Variants in EPHB1 observed in about 807,000 individuals in gnomAD.
The protein encoded by EPHB1 is ephrin type-B receptor 1.
In EPHB1, 30 loss-of-function variants were observed where a neutral mutation model predicts 94.4. That is an observed-to-expected ratio of 0.32 (90% CI 0.24 to 0.43). The LOEUF is 0.43. Among genes scored for constraint, EPHB1 ranks in the 20% least tolerant of loss-of-function variants. The probability of loss-of-function intolerance (pLI) is 1.00; values close to 1 mark genes in which losing one functional copy is unlikely to be tolerated. For missense variants in EPHB1, 1,055 were observed against 1,308.3 expected (o/e 0.81, Z 2.99); for synonymous variants, 522 against 489.1 (o/e 1.07, Z -0.89).
intron 3 of EPHB1, among the ~76,000 whole-genome samples, chr3:134,983,470 A>G (rs1206067339): frequency 2.0e-5 from 3 of 152,210 alleles, no homozygotes; most frequent in African/African-American, 7.2e-5. Flanking sequence ...CTCTCTTGCC[A>G]TCTGGGTTCA....
At chr3:135,013,262 TTGAG>T (rs1197181881) in intron 3 of EPHB1, among the ~76,000 whole-genome samples, 1 of 152,152 alleles carries the variant, frequency 6.6e-6, no homozygotes, top group Non-Finnish European at 1.5e-5. Context: ...AATATCGGGA[TTGAG>T]TGAGTAGCAG....
chr3:135,173,192 G>A (rs574233358), intron 9 of EPHB1, among the ~76,000 whole-genome samples: 360 of 151,398 alleles, frequency 2.4e-3, no homozygotes, highest in Admixed American at 3.9e-3. Context: ...GCGCCACTAC[G>A]CCCGGCTAAT....
intron 3 of EPHB1, among the ~76,000 whole-genome samples, chr3:134,986,033 C>T (rs778800443): frequency 6.6e-6 from 1 of 152,254 alleles, no homozygotes; most frequent in Non-Finnish European, 1.5e-5. Context: ...GATTTCACTC[C>T]CAATAACTTG....
chr3:134,862,475 C>T (rs2037286488), intron 1 of EPHB1, among the ~76,000 whole-genome samples: 1 of 139,844 alleles, frequency 7.2e-6, no homozygotes, highest in South Asian at 2.5e-4. Flanking sequence ...TATTATTCCT[C>T]ATTTTGTTCA....
chr3:135,208,370 C>T (rs1942956848), intron 12 of EPHB1, among the ~76,000 whole-genome samples: 1 of 151,056 alleles, frequency 6.6e-6, no homozygotes, highest in South Asian at 2.1e-4. Flanking sequence ...ACACGTGTGG[C>T]CCGAAAGTGA....
At chr3:135,150,356 T>G (rs1325199459) in intron 5 of EPHB1, among the ~76,000 whole-genome samples, 4 of 152,232 alleles carry the variant, frequency 2.6e-5, no homozygotes, top group Non-Finnish European at 5.9e-5. Flanking sequence ...CCTGTCTTTG[T>G]GGACCCACTG....
At chr3:134,805,864 G>A (rs76149019) in intron 1 of EPHB1, among the ~76,000 whole-genome samples, 4,171 of 152,182 alleles carry the variant, frequency 0.027, 134 homozygotes, top group African/African-American at 0.064. Context: ...CCTCACAGCC[G>A]CCTCTGCTTC....
chr3:135,173,004 G>A (rs1941849008), intron 9 of EPHB1, among the ~76,000 whole-genome samples: 1 of 151,976 alleles, frequency 6.6e-6, no homozygotes, highest in African/African-American at 2.4e-5. Context: ...ACAAAGCAGA[G>A]AGATGTTAAG....
At chr3:134,863,461 C>T (rs908496139) in intron 1 of EPHB1, among the ~76,000 whole-genome samples, 6 of 152,218 alleles carry the variant, frequency 3.9e-5, no homozygotes, top group Non-Finnish European at 8.8e-5. Context: ...TTTTAAACCT[C>T]ATGTGCGCTT....
At chr3:135,133,153 A>AGGATG in intron 5 of EPHB1, 104 bp downstream of exon 5, 1 of 1,178,036 alleles carries the variant, frequency 8.5e-7, no homozygotes, top group Non-Finnish European at 1.2e-6. Flanking sequence ...GTGTACTGTC[A>AGGATG]GGCCTCTGCC....
At chr3:135,241,367 T>C (rs1011274299) in intron 13 of EPHB1, 70 bp downstream of exon 13, 38 of 1,583,766 alleles carry the variant, frequency 2.4e-5, no homozygotes, top group African/African-American at 5.4e-5. Context: ...AGCATACCAA[T>C]TCCTCCTGTT....
chr3:135,203,618 C>T (rs1208231773), intron 12 of EPHB1, among the ~76,000 whole-genome samples: 2 of 152,080 alleles, frequency 1.3e-5, no homozygotes, highest in Non-Finnish European at 2.9e-5. Flanking sequence ...CATGAACTAT[C>T]AAAAAAGGGA....
At chr3:135,174,694 G>T (rs922229860) in intron 9 of EPHB1, among the ~76,000 whole-genome samples, 1 of 152,174 alleles carries the variant, frequency 6.6e-6, no homozygotes, top group Admixed American at 6.5e-5. Context: ...ACATACTGAG[G>T]CAGAAGATTG....
intron 3 of EPHB1, among the ~76,000 whole-genome samples, chr3:134,958,621 C>T (rs1325581851): frequency 6.6e-6 from 1 of 152,116 alleles, no homozygotes; most frequent in Admixed American, 6.6e-5. Flanking sequence ...TCATTAACAC[C>T]GCAGCCCTGT....
intron 4 of EPHB1, among the ~76,000 whole-genome samples, chr3:135,127,266 G>T (rs1940242541): frequency 6.6e-6 from 1 of 152,200 alleles, no homozygotes; most frequent in Admixed American, 6.5e-5. Context: ...TTTTCTGGGG[G>T]AAAAGCTTTG....
Position 135,106,526 on chromosome 3 carries a change from C to A in EPHB1, c.884C>A (p.Ala295Glu). ...TGCCCCTCCAACAGCCGCTCCCCTG[C>A]AGAGGCGTCTCCCATCTGCACCTGT... The part of the protein sequence containing the change: ...SHCPSNSRSP[A>E]EASPICTCRT... The change falls in exon 4 of 16, where the codon GCA becomes GAA. Residue 295 changes from alanine (A) to glutamate (E), a missense_variant. Transcript: ENST00000398015. 1 of 1,614,058 alleles carries A rather than the reference C, an allele frequency of 6.2e-7. No homozygotes were observed. Among genetic ancestry groups the A allele is most frequent in the East Asian group, 2.2e-5 (1 of 44,882 alleles).
chr3:134,875,408 A>T (rs960489229), intron 1 of EPHB1, among the ~76,000 whole-genome samples: 1 of 152,168 alleles, frequency 6.6e-6, no homozygotes, highest in African/African-American at 2.4e-5. Flanking sequence ...TGTGGGCAGT[A>T]TGAGAGGTCT....
intron 1 of EPHB1, among the ~76,000 whole-genome samples, chr3:134,859,389 T>G (rs2037195689): frequency 6.6e-6 from 1 of 152,200 alleles, no homozygotes; most frequent in African/African-American, 2.4e-5. Flanking sequence ...GGATGTTAAC[T>G]TGGGAGCAGA....
chr3:134,865,199 T>A (rs1162797496), intron 1 of EPHB1, among the ~76,000 whole-genome samples: 1 of 152,192 alleles, frequency 6.6e-6, no homozygotes, highest in African/African-American at 2.4e-5. Context: ...TAAATCAATG[T>A]GGTATTTTCT....
Sources: gnomAD v4.1 joint callset for allele counts (sites outside exome capture counted in the v4.1 genomes callset) on GRCh38, gnomAD v4.1.1 for gene constraint, MANE v1.5 for transcripts, NCBI Gene and HGNC (gene_info 2026-07-23, HGNC 2026-07-21) for gene names.